RFX7: variants seen among roughly 807,000 people sequenced by gnomAD.
RFX7 encodes DNA-binding protein RFX7.
Under a neutral mutation model 111.8 loss-of-function variants are expected in RFX7, and 26 were observed. The observed-to-expected ratio is 0.23, with a 90% CI of 0.17 to 0.32. The LOEUF is 0.32. Among genes scored for constraint, RFX7 ranks in the 10% least tolerant of loss-of-function variants. The pLI is 1.00. For missense variants in RFX7, 1,573 were observed against 1,772.9 expected, an observed-to-expected ratio of 0.89 and a Z score of 2.02; for synonymous variants, 624 against 624.4, an observed-to-expected ratio of 1.00 and a Z score of 0.01.
At chr15:56,209,938 T>C (rs1250843975) in intron 2 of RFX7, among the ~76,000 whole-genome samples, 2 of 151,916 alleles carry the variant, frequency 1.3e-5, no homozygotes, top group African/African-American at 4.8e-5. Flanking sequence ...ACAAGGACGA[T>C]AAATAGAAAA....
At chr15:56,221,816 G>A (rs1183419695) in intron 2 of RFX7, among the ~76,000 whole-genome samples, 2 of 152,034 alleles carry the variant, frequency 1.3e-5, no homozygotes, top group South Asian at 2.1e-4. Context: ...TCTTACTACT[G>A]TTCTCTGTGC....
intron 2 of RFX7, among the ~76,000 whole-genome samples, chr15:56,226,934 C>A (rs1394102058): frequency 6.6e-6 from 1 of 152,118 alleles, no homozygotes; most frequent in Non-Finnish European, 1.5e-5. Flanking sequence ...AGCTTGCTTT[C>A]TGTTTGGAGG....
chr15:56,133,578 C>CTCATTATCCTAA (rs2042246962), intron 5 of RFX7, among the ~76,000 whole-genome samples: 1 of 152,058 alleles, frequency 6.6e-6, no homozygotes, highest in East Asian at 1.9e-4. Context: ...TTCATTTAGG[C>CTCATTATCCTAA]ACTCTAAACA....
intron 2 of RFX7, among the ~76,000 whole-genome samples, chr15:56,182,793 A>G (rs1364685446): frequency 3.3e-5 from 5 of 152,184 alleles, no homozygotes; most frequent in African/African-American, 7.2e-5. Flanking sequence ...CGATACTGCC[A>G]TAAGTGTCTT....
chr15:56,209,557 C>G (rs1482785483), intron 2 of RFX7, among the ~76,000 whole-genome samples: 1 of 152,034 alleles, frequency 6.6e-6, no homozygotes, highest in Non-Finnish European at 1.5e-5. Context: ...ATTGATCCAA[C>G]AGATAATTTG....
At chr15:56,194,746 G>A (rs933962369) in intron 2 of RFX7, among the ~76,000 whole-genome samples, 2 of 152,030 alleles carry the variant, frequency 1.3e-5, no homozygotes, top group African/African-American at 2.4e-5. Flanking sequence ...CACTTACTTT[G>A]TCTTCTTAAA....
chr15:56,241,194 G>A (rs2043685625), intron 2 of RFX7, among the ~76,000 whole-genome samples: 1 of 151,968 alleles, frequency 6.6e-6, no homozygotes, highest in Non-Finnish European at 1.5e-5. Context: ...TTCAGAGCAA[G>A]TACCAAAAAC....
chr15:56,195,091 G>A (rs985398587), intron 2 of RFX7, among the ~76,000 whole-genome samples: 5 of 152,076 alleles, frequency 3.3e-5, no homozygotes, highest in African/African-American at 9.7e-5. Context: ...AAGGAATGCA[G>A]TATCAACAAA....
At chr15:56,129,958 T>C (rs12899534) in intron 5 of RFX7, among the ~76,000 whole-genome samples, 49,134 of 152,124 alleles carry the variant, frequency 0.32, 8,952 homozygotes, top group Middle Eastern at 0.45. Flanking sequence ...AAACTCCCTA[T>C]CCTGTAATAC....
Position 56,092,944 on chromosome 15 carries a change from G to C in RFX7, c.*401C>G, listed in dbSNP as rs1158276206. ...CTTGTCTACAGTTCACCCTAGCTAT[G>C]ATTTTATATCTAAAAGATAATGCCA... On this transcript the variant is annotated 3_prime_UTR_variant, in exon 10 of 10. Transcript: ENST00000559447. 3 of 161,366 alleles carry C rather than the reference G, an allele frequency of 1.9e-5. No homozygotes were observed. The highest frequency in any genetic ancestry group is 7.2e-5 in the African/African-American group (3 of 41,546). 10.0% of individuals were successfully genotyped at this position (161,366 alleles called of 1,614,324 possible).
At chr15:56,190,680 C>T (rs899091733) in intron 2 of RFX7, among the ~76,000 whole-genome samples, 5 of 152,156 alleles carry the variant, frequency 3.3e-5, no homozygotes, top group African/African-American at 1.2e-4. Context: ...ATGGGTCCCA[C>T]TACAGACCTA....
intron 2 of RFX7, among the ~76,000 whole-genome samples, chr15:56,218,680 G>A (rs777356401): frequency 6.6e-6 from 1 of 152,136 alleles, no homozygotes. Context: ...GAGCAACAAA[G>A]AAGGCGATAA....
intron 4 of RFX7, among the ~76,000 whole-genome samples, chr15:56,143,354 TACACACAC>T (rs10596362): frequency 2.7e-5 from 4 of 149,724 alleles, no homozygotes; most frequent in Admixed American, 6.7e-5. Flanking sequence ...CATATATACA[TACACACAC>T]ACACACACAC....
At chr15:56,239,183 G>A (rs558162813) in intron 2 of RFX7, among the ~76,000 whole-genome samples, 5 of 152,282 alleles carry the variant, frequency 3.3e-5, no homozygotes, top group African/African-American at 9.6e-5. Flanking sequence ...TATGTGTAAT[G>A]AGCATCTTAG....
Position 56,143,304 on chromosome 15 carries a change from T to C in RFX7, c.279-404A>G, listed in dbSNP as rs143238963. 9.5e-3 allele frequency among the ~76,000 whole-genome samples: 1,441 copies of C among 151,608 alleles called. 8 individuals are homozygous for C. The highest frequency in any genetic ancestry group is 0.017 in the Middle Eastern group (5 of 290). On this transcript the variant is annotated intron_variant, in intron 4 of 9. Coordinates refer to ENST00000559447, the MANE Select transcript of RFX7 (RefSeq NM_022841.7). ...AGCATTCTCATATAATATATATATA[T>C]ACACACATATATATATACACATGTA... is the stretch of plus-strand genomic sequence containing the variant.
chr15:56,182,450 T>C (rs1442532228), intron 2 of RFX7, among the ~76,000 whole-genome samples: 2 of 152,188 alleles, frequency 1.3e-5, no homozygotes, highest in African/African-American at 4.8e-5. Context: ...CCTAGCCTTA[T>C]ACCCCTCCCT....
At chr15:56,190,548 C>T (rs1463114625) in intron 2 of RFX7, among the ~76,000 whole-genome samples, 1 of 152,186 alleles carries the variant, frequency 6.6e-6, no homozygotes, top group African/African-American at 2.4e-5. Flanking sequence ...GTTTCCTTCC[C>T]ATCCATTCCC....
rs779687859 is a variant in RFX7 at position 56,093,403 on chromosome 15, G to T, written c.4325C>A (p.Ser1442Ter). The T allele has an allele frequency of 6.2e-7, 1 of 1,613,442 alleles. No homozygotes were observed. The highest frequency in any genetic ancestry group is 1.7e-5 in the Admixed American group (1 of 59,962). ...ICSESMNSMT[S>*]SGFEWIESKD... ...GCTTTCTATCCATTCAAAACCTGAT[G>T]AAGTCATAGAATTCATGGATTCACT... is the stretch of plus-strand genomic sequence containing the variant. The change falls in exon 10 of 10, where the codon TCA becomes TAA. Residue 1442 changes from serine to a stop codon, truncating the protein, a stop_gained. Transcript: ENST00000559447. LOFTEE classifies it high-confidence loss of function.
chr15:56,167,902 G>A (rs1425749541), intron 3 of RFX7, among the ~76,000 whole-genome samples: 1 of 152,154 alleles, frequency 6.6e-6, no homozygotes, highest in African/African-American at 2.4e-5. Flanking sequence ...AACAGACTGT[G>A]TTTACAATTA....
Sources: allele counts gnomAD v4.1 joint callset (sites outside exome capture counted in the v4.1 genomes callset), GRCh38; gene constraint gnomAD v4.1.1; transcripts MANE v1.5; gene names NCBI Gene and HGNC (gene_info 2026-07-23, HGNC 2026-07-21).